The following SGCE variants were observed in gnomAD, a reference collection of about 807,000 sequenced individuals.
The protein encoded by SGCE is epsilon-sarcoglycan.
Under a neutral mutation model 57.8 loss-of-function variants are expected in SGCE, and 26 were observed. The ratio of observed to expected loss-of-function variants is 0.45; its 90% CI spans 0.33 to 0.62. SGCE has a LOEUF of 0.62. Ranked by LOEUF, SGCE falls within the 20% of genes least tolerant of loss-of-function variation. The pLI is 0.02. For missense variants in SGCE, 468 were observed against 548.6 expected, an observed-to-expected ratio of 0.85 and a Z score of 1.47; for synonymous variants, 183 against 189.5, an observed-to-expected ratio of 0.97 and a Z score of 0.28.
intron 9 of SGCE, among the ~76,000 whole-genome samples, chr7:94,593,029 C>CT (rs1378763263): frequency 6.6e-6 from 1 of 152,116 alleles, no homozygotes; most frequent in Non-Finnish European, 1.5e-5. Flanking sequence ...CCCTGAAACA[C>CT]TGTCTTCAAC....
At chr7:94,631,093 A>G (rs1274587142) in intron 1 of SGCE, among the ~76,000 whole-genome samples, 1 of 151,946 alleles carries the variant, frequency 6.6e-6, no homozygotes, top group Non-Finnish European at 1.5e-5. Flanking sequence ...GAAGGAAGCT[A>G]CAAGTTATGT....
At chr7:94,604,816 TATATATATATA>T (rs1799813318) in intron 5 of SGCE, among the ~76,000 whole-genome samples, 1 of 27,982 alleles carries the variant, frequency 3.6e-5, no homozygotes, top group East Asian at 2.5e-3. Context: ...AATATATATA[TATATATATATA>T]TATATATATA....
At chr7:94,638,575 A>G (rs924675258) in intron 1 of SGCE, among the ~76,000 whole-genome samples, 1 of 151,974 alleles carries the variant, frequency 6.6e-6, no homozygotes. Context: ...AGTTAGAGAA[A>G]CTACTATTCT....
At chr7:94,634,180 A>G (rs1309742879) in intron 1 of SGCE, among the ~76,000 whole-genome samples, 2 of 152,144 alleles carry the variant, frequency 1.3e-5, no homozygotes, top group African/African-American at 4.8e-5. Flanking sequence ...GTCCATTTAT[A>G]TCATCATTTT....
At chr7:94,605,556 A>G (rs190133917) in intron 5 of SGCE, among the ~76,000 whole-genome samples, 27 of 152,278 alleles carry the variant, frequency 1.8e-4, no homozygotes, top group Admixed American at 1.4e-3. Flanking sequence ...GGATTATTTT[A>G]TCATAAGATA....
intron 5 of SGCE, among the ~76,000 whole-genome samples, chr7:94,606,241 TTAAA>T (rs756612234): frequency 2.0e-3 from 301 of 152,208 alleles, no homozygotes; most frequent in Non-Finnish European, 3.4e-3. Flanking sequence ...AATATCTACT[TTAAA>T]TAGGAAGACA....
At chr7:94,626,636 T>G (rs573382680) in intron 3 of SGCE, 7 of 152,132 alleles carry the variant, frequency 4.6e-5, no homozygotes, top group African/African-American at 1.4e-4. Flanking sequence ...TTTATATCAT[T>G]GATGGTTTCC....
intron 9 of SGCE, chr7:94,590,662 T>C (rs554394253): frequency 6.6e-6 from 1 of 152,292 alleles, no homozygotes; most frequent in African/African-American, 2.4e-5. Context: ...TTCCTCTTAA[T>C]TGAAACCCTA....
intron 9 of SGCE, chr7:94,589,497 G>T (rs1797366226): frequency 6.6e-6 from 1 of 152,364 alleles, no homozygotes. Context: ...TAAGACAGGG[G>T]TCCCCAACCC....
Position 94,639,421 on chromosome 7 carries a change from A to G in SGCE, c.110-9580T>C, listed in dbSNP as rs142744182. 3,464 of 1,534,634 alleles carry G rather than the reference A, an allele frequency of 2.3e-3. 13 individuals are homozygous for G. Among genetic ancestry groups the G allele is most frequent in the Middle Eastern group, 4.2e-3 (25 of 5,984 alleles). On this transcript the variant is annotated intron_variant, in intron 1 of 10. Transcript: ENST00000648936. ...GGTCTTCCAGTTAACTGTTCCATTT[A>G]TGCCATCAGCACAGCTTAATAAAAA...
chr7:94,647,916 C>A (rs1460290379), intron 1 of SGCE, among the ~76,000 whole-genome samples: 1 of 152,142 alleles, frequency 6.6e-6, no homozygotes, highest in Non-Finnish European at 1.5e-5. Context: ...TTTAAGGGCA[C>A]ATTTATATGT....
Position 94,599,714 on chromosome 7 carries a change from TCTC to T in SGCE, c.1044_1046del (p.Arg349del). 1 of 1,608,696 alleles carries T rather than the reference TCTC, an allele frequency of 6.2e-7. No individual in the cohort carries two copies. The highest frequency in any genetic ancestry group is 8.5e-7 in the Non-Finnish European group (1 of 1,175,360). On this transcript the variant is annotated inframe_deletion, in exon 8 of 11. Coordinates refer to ENST00000648936, the MANE Select transcript of SGCE (RefSeq NM_003919.3). ...ACACTTACTCTGGTGTTTGCATGTT[TCTC>T]TTTTCCCTAGAAACAAAACAAAATT...
chr7:94,591,889 G>C (rs1198820281), intron 9 of SGCE, among the ~76,000 whole-genome samples: 1 of 152,180 alleles, frequency 6.6e-6, no homozygotes, highest in African/African-American at 2.4e-5. Context: ...TTGATTTAGA[G>C]ACTGAAAAGT....
At chr7:94,647,890 T>C (rs1807325664) in intron 1 of SGCE, among the ~76,000 whole-genome samples, 1 of 152,196 alleles carries the variant, frequency 6.6e-6, no homozygotes, top group African/African-American at 2.4e-5. Flanking sequence ...GTCAGGTTCA[T>C]AGCAATTACC....
At chr7:94,655,619 C>A (rs74569652) in intron 1 of SGCE, among the ~76,000 whole-genome samples, 1 of 151,970 alleles carries the variant, frequency 6.6e-6, no homozygotes, top group Admixed American at 6.5e-5. Flanking sequence ...GGGAAACGGG[C>A]CCCCCAGAAA....
At chr7:94,622,971 T>C (rs1337624817) in intron 4 of SGCE, among the ~76,000 whole-genome samples, 2 of 152,098 alleles carry the variant, frequency 1.3e-5, no homozygotes, top group Non-Finnish European at 2.9e-5. Flanking sequence ...TGAGACAGGC[T>C]CTCACCCTAT....
At chr7:94,634,722 G>A (rs1269605986) in intron 1 of SGCE, among the ~76,000 whole-genome samples, 1 of 152,158 alleles carries the variant, frequency 6.6e-6, no homozygotes, top group African/African-American at 2.4e-5. Flanking sequence ...AGACTCTTTT[G>A]TGGCGTATTT....
chr7:94,631,550 C>A (rs975856825), intron 1 of SGCE, among the ~76,000 whole-genome samples: 1 of 151,846 alleles, frequency 6.6e-6, no homozygotes, highest in African/African-American at 2.4e-5. Context: ...CAATATGGCT[C>A]TTAAAATACT....
Position 94,632,371 on chromosome 7 carries a change from C to T in SGCE, c.110-2530G>A, listed in dbSNP as rs189214001. ...TCTGCTTTTATAAAAAACATTTCTG[C>T]GTTCTACAGAGCCAAGACACAATCT... On this transcript the variant is annotated intron_variant, in intron 1 of 10. Coordinates refer to ENST00000648936, the MANE Select transcript of SGCE (RefSeq NM_003919.3). 3.2e-4 allele frequency among the ~76,000 whole-genome samples: 49 copies of T among 152,136 alleles called. No individual in the cohort carries two copies. In the East Asian group the frequency reaches 5.6e-3, roughly 17 times the overall value.
Sources: allele counts gnomAD v4.1 joint callset (sites outside exome capture counted in the v4.1 genomes callset), GRCh38; gene constraint gnomAD v4.1.1; transcripts MANE v1.5; gene names NCBI Gene and HGNC (gene_info 2026-07-23, HGNC 2026-07-21).